Variants in ARK2C observed in about 807,000 individuals in gnomAD.
The protein encoded by ARK2C is E3 ubiquitin-protein ligase ARK2C.
the ARK2C span, among the ~76,000 whole-genome samples, chr18:46,432,099 C>T: frequency 1.3e-5 from 2 of 152,138 alleles, no homozygotes; most frequent in Non-Finnish European, 2.9e-5. Flanking sequence ...CTGAATCTGC[C>T]ATGTTTAGCA....
At chr18:46,461,823 TGA>T in the ARK2C span, 1 of 151,550 alleles carries the variant, frequency 6.6e-6, no homozygotes, top group East Asian at 1.9e-4. Context: ...GACAGGGAGG[TGA>T]GTTAGGTGGA....
chr18:46,398,576 T>C, the ARK2C span, among the ~76,000 whole-genome samples: 1 of 151,674 alleles, frequency 6.6e-6, no homozygotes, highest in African/African-American at 2.4e-5. Context: ...GAGGAACCCA[T>C]GGGTGGGAGA....
chr18:46,354,078 G>A, the ARK2C span, among the ~76,000 whole-genome samples: 7 of 152,162 alleles, frequency 4.6e-5, no homozygotes, highest in Non-Finnish European at 8.8e-5. Flanking sequence ...GAGCCACAAC[G>A]TTCACCAGGC....
At chr18:46,426,129 C>A in the ARK2C span, among the ~76,000 whole-genome samples, 4 of 152,312 alleles carry the variant, frequency 2.6e-5, no homozygotes, top group African/African-American at 9.6e-5. Flanking sequence ...TTTGGGGTGA[C>A]ACCAACATTC....
At chr18:46,390,729 T>C in the ARK2C span, among the ~76,000 whole-genome samples, 3 of 152,262 alleles carry the variant, frequency 2.0e-5, no homozygotes, top group East Asian at 5.8e-4. Context: ...GGGAAGGCGG[T>C]GGCTCGGAAT....
chr18:46,425,717 C>T, the ARK2C span, among the ~76,000 whole-genome samples: 1 of 152,172 alleles, frequency 6.6e-6, no homozygotes, highest in East Asian at 1.9e-4. Context: ...CCAGAGGAGC[C>T]TCCTGACTGC....
the ARK2C span, chr18:46,456,783 C>G: frequency 1.5e-6 from 1 of 669,774 alleles, no homozygotes; most frequent in South Asian, 1.7e-5. Context: ...TTGGTGGTAT[C>G]GGTGTCGAGG....
At chr18:46,374,934 T>G in the ARK2C span, among the ~76,000 whole-genome samples, 1 of 152,302 alleles carries the variant, frequency 6.6e-6, no homozygotes, top group African/African-American at 2.4e-5. Flanking sequence ...CCCCAGTCAC[T>G]GCACTTCCCT....
the ARK2C span, among the ~76,000 whole-genome samples, chr18:46,376,575 G>C: frequency 6.6e-6 from 1 of 150,848 alleles, no homozygotes. Context: ...GATGTTGCAA[G>C]ATTATGCCCC....
chr18:46,383,721 A>AT, the ARK2C span, among the ~76,000 whole-genome samples: 19 of 151,484 alleles, frequency 1.3e-4, no homozygotes, highest in East Asian at 1.2e-3. Context: ...CGCCCGGCTA[A>AT]TTTTTTGTAT....
chr18:46,389,594 A>G, the ARK2C span, among the ~76,000 whole-genome samples: 3 of 152,172 alleles, frequency 2.0e-5, no homozygotes, highest in African/African-American at 7.2e-5. Context: ...CGCTTTCCCC[A>G]GCCCATCCCT....
the ARK2C span, chr18:46,336,503 G>C: frequency 1.0e-6 from 1 of 985,424 alleles, no homozygotes; most frequent in Non-Finnish European, 1.2e-6. Context: ...AAATTTCGCA[G>C]AATGTGATAA....
At chr18:46,437,899 G>C in the ARK2C span, among the ~76,000 whole-genome samples, 1 of 152,176 alleles carries the variant, frequency 6.6e-6, no homozygotes, top group African/African-American at 2.4e-5. Flanking sequence ...CAGAGGGTGG[G>C]TGGAGGGTGA....
the ARK2C span, among the ~76,000 whole-genome samples, chr18:46,398,896 C>A: frequency 6.6e-6 from 1 of 151,830 alleles, no homozygotes; most frequent in East Asian, 1.9e-4. Context: ...TAGTCATCGT[C>A]TAGGATGCAC....
chr18:46,401,572 C>T, the ARK2C span, among the ~76,000 whole-genome samples: 2 of 152,182 alleles, frequency 1.3e-5, no homozygotes, highest in South Asian at 2.1e-4. Context: ...AAGACTGCAC[C>T]TGGGTCACAG....
the ARK2C span, chr18:46,433,500 C>T: frequency 3.7e-6 from 6 of 1,602,816 alleles, no homozygotes; most frequent in Middle Eastern, 3.4e-4. Context: ...TGGTCTCGCA[C>T]CCCAGGTTGG....
chr18:46,424,182 G>A, the ARK2C span, among the ~76,000 whole-genome samples: 1 of 152,232 alleles, frequency 6.6e-6, no homozygotes, highest in Non-Finnish European at 1.5e-5. Context: ...GGCTCCCAAG[G>A]GAGTTAACAT....
the ARK2C span, among the ~76,000 whole-genome samples, chr18:46,404,942 GA>G: frequency 3.3e-5 from 5 of 152,272 alleles, no homozygotes; most frequent in South Asian, 1.0e-3. Flanking sequence ...TGGTATGTAT[GA>G]TACATGCAGA....
At chr18:46,433,159 T>C in the ARK2C span, 2 of 1,523,036 alleles carry the variant, frequency 1.3e-6, no homozygotes, top group East Asian at 4.6e-5. Flanking sequence ...GTGCTGGTCG[T>C]CATGGAGATG....
Sources: gnomAD v4.1 joint callset for allele counts (sites outside exome capture counted in the v4.1 genomes callset) on GRCh38, gnomAD v4.1.1 for gene constraint, MANE v1.5 for transcripts, NCBI Gene and HGNC (gene_info 2026-07-23, HGNC 2026-07-21) for gene names.